Variants in AKAP12 observed in about 807,000 individuals in gnomAD.
The protein encoded by AKAP12 is A-kinase anchoring protein 12.
In AKAP12, 32 loss-of-function variants were observed where a neutral mutation model predicts 79.9. The ratio of observed to expected loss-of-function variants is 0.40; its 90% CI spans 0.30 to 0.54. AKAP12 has a LOEUF of 0.54. Among genes scored for constraint, AKAP12 ranks in the 20% least tolerant of loss-of-function variants. The pLI is 0.48. For synonymous variants in AKAP12, 808 were observed against 857.0 expected (o/e 0.94, Z 1.00); for missense variants, 2,074 against 2,177.0 (o/e 0.95, Z 0.94).
chr6:151,249,500 T>C (rs1051836973), intron 2 of AKAP12, among the ~76,000 whole-genome samples: 2 of 152,184 alleles, frequency 1.3e-5, no homozygotes, highest in African/African-American at 4.8e-5. Context: ...ACTTCTTTAC[T>C]AGCTTCTGTA....
chr6:151,351,988 G>A lies in AKAP12; in HGVS notation c.3597G>A (p.Glu1199=), dbSNP rs770870550. ...DEIVEIHEEN[E]VASGTQSGGT... ...TTGTGGAAATCCATGAGGAGAATGA[G>A]GTCGCATCTGGTACCCAGTCAGGGG... Residue 1199 remains glutamate, a synonymous_variant, in exon 4 of 5, where the codon GAG becomes GAA. Transcript: ENST00000402676. This position sits in a 1 kb window ranked among gnomAD's most constrained non-coding sequence, Gnocchi z 4.4. 6.8e-6 allele frequency: 11 copies of A among 1,614,100 alleles called. 1 individual carries two copies. The South Asian group carries it at 1.1e-4, about 16-fold the overall frequency.
intron 2 of AKAP12, among the ~76,000 whole-genome samples, chr6:151,296,467 A>G (rs915481557): frequency 1.3e-5 from 2 of 152,186 alleles, no homozygotes; most frequent in Non-Finnish European, 2.9e-5. Context: ...TGCTTACTAT[A>G]TATCTTGAGA....
chr6:151,261,729 ATTATT>A (rs2114699500), intron 2 of AKAP12, among the ~76,000 whole-genome samples: 1 of 141,694 alleles, frequency 7.1e-6, no homozygotes, highest in South Asian at 2.4e-4. Flanking sequence ...AGTGGTTTTT[ATTATT>A]TTATTTATTT....
rs780189879 is a variant in AKAP12, at chr6:151,352,857, C to T, written c.4466C>T (p.Ser1489Phe). The T allele has an allele frequency of 6.2e-7, 1 of 1,614,096 alleles. No individual in the cohort carries two copies. Among genetic ancestry groups the T allele is most frequent in the African/African-American group, 1.3e-5 (1 of 74,932 alleles). Residue 1489 changes from serine (S) to phenylalanine (F), a missense_variant, in exon 4 of 5, where the codon TCT becomes TTT. By Grantham distance (155) the Ser-to-Phe change is radical. Coordinates refer to ENST00000402676, the MANE Select transcript of AKAP12 (RefSeq NM_005100.4). ...CQAKSTPVIV[S>F]ATTKKGLSSD... Reference sequence around the variant, plus strand: ...GCAAAATCGACACCAGTGATAGTATCTGCTACTACCAAGAAAGGCTTAAGT... The same window carrying T: ...GCAAAATCGACACCAGTGATAGTATTTGCTACTACCAAGAAAGGCTTAAGT...
At chr6:151,311,444 A>G (rs777237166) in intron 3 of AKAP12, among the ~76,000 whole-genome samples, 5 of 152,198 alleles carry the variant, frequency 3.3e-5, no homozygotes, top group Non-Finnish European at 7.3e-5. Flanking sequence ...CACTAATCAG[A>G]TAACGGTATA....
intron 2 of AKAP12, among the ~76,000 whole-genome samples, chr6:151,303,390 A>C (rs951357822): frequency 5.9e-5 from 9 of 152,302 alleles, no homozygotes; most frequent in African/African-American, 1.9e-4. Context: ...TGGACTCAGC[A>C]TGGGCATTTT....
rs1776469020 is a variant in AKAP12 at position 151,284,829 on chromosome 6, A to G, written c.163-20918A>G. ...TAGTACTCTGTCTTTGATGTGTGGC[A>G]CTTCCTTTTGACTTGACGCATCCAG... is the stretch of plus-strand genomic sequence containing the variant. On this transcript the variant is annotated intron_variant, in intron 2 of 4. Coordinates refer to ENST00000402676, the MANE Select transcript of AKAP12 (RefSeq NM_005100.4). 2.0e-5 allele frequency among the ~76,000 whole-genome samples: 3 copies of G among 152,196 alleles called. No individual in the cohort carries two copies. The South Asian group carries it at 6.2e-4, about 31-fold the overall frequency.
At chr6:151,302,862 C>G (rs1273121286) in intron 2 of AKAP12, among the ~76,000 whole-genome samples, 1 of 152,204 alleles carries the variant, frequency 6.6e-6, no homozygotes, top group African/African-American at 2.4e-5. Flanking sequence ...CTAATCAAAT[C>G]TAAGTCCTGT....
chr6:151,318,171 G>A (rs1218710078), intron 3 of AKAP12, among the ~76,000 whole-genome samples: 1 of 152,146 alleles, frequency 6.6e-6, no homozygotes. Flanking sequence ...CTTTCACCAT[G>A]TGAGGTTACA....
chr6:151,287,141 G>A (rs537580310), intron 2 of AKAP12, among the ~76,000 whole-genome samples: 4 of 152,004 alleles, frequency 2.6e-5, no homozygotes, highest in Admixed American at 6.5e-5. Flanking sequence ...GGGTTTCACC[G>A]TGTTATCCAG....
At chr6:151,264,263 C>T (rs1562712477) in intron 2 of AKAP12, among the ~76,000 whole-genome samples, 1 of 151,820 alleles carries the variant, frequency 6.6e-6, no homozygotes, top group Non-Finnish European at 1.5e-5. Flanking sequence ...AGGCCAAAGC[C>T]TGCTGGCTCT....
At chr6:151,345,937 G>GAC (rs1400494644) in intron 3 of AKAP12, among the ~76,000 whole-genome samples, 1 of 126,020 alleles carries the variant, frequency 7.9e-6, no homozygotes, top group Non-Finnish European at 1.7e-5. Flanking sequence ...GTGTGTGAGA[G>GAC]AGAGAGAGAG....
intron 2 of AKAP12, among the ~76,000 whole-genome samples, chr6:151,299,437 A>G (rs946098251): frequency 3.3e-5 from 5 of 152,166 alleles, no homozygotes; most frequent in Non-Finnish European, 7.4e-5. Flanking sequence ...CCAAACAACA[A>G]CAATGCCATA....
At chr6:151,326,602 C>T (rs978165169) in intron 3 of AKAP12, among the ~76,000 whole-genome samples, 1 of 151,834 alleles carries the variant, frequency 6.6e-6, no homozygotes, top group Non-Finnish European at 1.5e-5. Context: ...TAGCAAATAA[C>T]TTACACGCAT....
intron 2 of AKAP12, among the ~76,000 whole-genome samples, chr6:151,299,842 T>G (rs1467721645): frequency 6.6e-6 from 1 of 152,076 alleles, no homozygotes; most frequent in African/African-American, 2.4e-5. Flanking sequence ...TTGCCCAGGC[T>G]GGTCTCAAAC....
chr6:151,246,058 G>A (rs972473706), intron 2 of AKAP12, among the ~76,000 whole-genome samples: 3 of 152,126 alleles, frequency 2.0e-5, no homozygotes, highest in African/African-American at 7.2e-5. Context: ...CCAATTCCTT[G>A]GGTTTATATT....
At chr6:151,312,577 G>A (rs897725897) in intron 3 of AKAP12, among the ~76,000 whole-genome samples, 1 of 152,068 alleles carries the variant, frequency 6.6e-6, no homozygotes, top group Non-Finnish European at 1.5e-5. Context: ...GGATCACGAG[G>A]TCAGGAGATC....
At chr6:151,244,395 G>T (rs965275732) in intron 2 of AKAP12, among the ~76,000 whole-genome samples, 28 of 152,224 alleles carry the variant, frequency 1.8e-4, no homozygotes, top group African/African-American at 6.3e-4. Context: ...GTGGTGGCGG[G>T]CGCCTGTAGT....
At chr6:151,248,955 CCAGCCTGGGCGA>C (rs1797126191) in intron 2 of AKAP12, among the ~76,000 whole-genome samples, 1 of 152,016 alleles carries the variant, frequency 6.6e-6, no homozygotes, top group Non-Finnish European at 1.5e-5. Context: ...TCATTGCACT[CCAGCCTGGGCGA>C]CAGAGCAAGA....
Sources: gnomAD v4.1 joint callset for allele counts (sites outside exome capture counted in the v4.1 genomes callset) on GRCh38, gnomAD v4.1.1 for gene constraint, Gnocchi (gnomAD v3.1) non-coding constraint, MANE v1.5 for transcripts, NCBI Gene and HGNC (gene_info 2026-07-23, HGNC 2026-07-21) for gene names.